The following ACKR2 variants were observed in gnomAD, a reference collection of about 807,000 sequenced individuals.
ACKR2 encodes the protein atypical chemokine receptor 2.
For missense variants in ACKR2, 457 were observed against 477.3 expected (o/e 0.96, Z 0.40); for synonymous variants, 207 against 192.2 (o/e 1.08, Z -0.64).
intron 2 of ACKR2, among the ~76,000 whole-genome samples, chr3:42,862,180 A>T (rs1375894557): frequency 6.6e-6 from 1 of 152,254 alleles, no homozygotes; most frequent in East Asian, 1.9e-4. Flanking sequence ...AGAATACAAA[A>T]TCAATGTGCA....
intron 1 of ACKR2, among the ~76,000 whole-genome samples, chr3:42,811,702 AT>A (rs1218279123): frequency 7.2e-5 from 11 of 152,270 alleles, no homozygotes; most frequent in Admixed American, 7.2e-4. Flanking sequence ...GTCCCTGGGA[AT>A]GGAATGTCTC....
intron 2 of ACKR2, among the ~76,000 whole-genome samples, chr3:42,840,259 C>CA (rs34830187): frequency 0.38 from 13,026 of 34,376 alleles, 3,398 homozygotes; most frequent in East Asian, 0.7. Context: ...GACTCCGTCT[C>CA]AAAAAAAAAA....
At chr3:42,810,923 C>A (rs930947363) in intron 1 of ACKR2, among the ~76,000 whole-genome samples, 1 of 152,216 alleles carries the variant, frequency 6.6e-6, no homozygotes, top group Non-Finnish European at 1.5e-5. Context: ...TGCAGTGGTG[C>A]AACCTTGGCT....
chr3:42,811,437 T>G (rs1053883086), intron 1 of ACKR2, among the ~76,000 whole-genome samples: 7 of 152,192 alleles, frequency 4.6e-5, no homozygotes, highest in African/African-American at 1.7e-4. Flanking sequence ...GTAAAAGTCA[T>G]CGCCATTCTC....
rs2125620049 is a variant in ACKR2, at chr3:42,852,802, A to G, written c.-37-11664A>G. Reference sequence around the variant, plus strand: ...GTTTTTGTTTTTTGGCCTCTTTTCTATTTTTCCACTGTATTTCCACATTTT... The same window carrying G: ...GTTTTTGTTTTTTGGCCTCTTTTCTGTTTTTCCACTGTATTTCCACATTTT... On this transcript the variant is annotated intron_variant, in intron 2 of 2. Coordinates refer to ENST00000422265, the MANE Select transcript of ACKR2 (RefSeq NM_001296.5). This position sits in a 1 kb window ranked among gnomAD's most constrained non-coding sequence, Gnocchi z 4.3. Among the ~76,000 whole-genome samples, 1 of 152,118 alleles carries G rather than the reference A, an allele frequency of 6.6e-6. No individual in the cohort carries two copies. The highest frequency in any genetic ancestry group is 1.5e-5 in the Non-Finnish European group (1 of 67,990).
intron 2 of ACKR2, among the ~76,000 whole-genome samples, chr3:42,861,278 T>A (rs2088381953): frequency 6.6e-6 from 1 of 152,132 alleles, no homozygotes; most frequent in Admixed American, 6.6e-5. Context: ...ATGGATAAAT[T>A]CCTGGACACA....
At position 42,809,502 on chromosome 3, in the gene ACKR2, A is replaced by T. The variant is rs1309175518; in HGVS notation, c.-149A>T. ...CAGTACGGGATCCTTTCTGGAATGG[A>T]GGTCTTATGAGCTGCTATTGAACAC... On this transcript the variant is annotated 5_prime_UTR_variant, in exon 1 of 3. Coordinates refer to ENST00000422265, the MANE Select transcript of ACKR2 (RefSeq NM_001296.5). 1 of 152,132 alleles carries T rather than the reference A, an allele frequency of 6.6e-6. No individual in the cohort carries two copies. The highest frequency in any genetic ancestry group is 1.5e-5 in the Non-Finnish European group (1 of 68,028). The allele number at this position is 152,132 out of a possible 1,614,324, so 9.4% of individuals were successfully genotyped here. A position where few individuals can be genotyped will look rare whatever the true frequency, so the allele number is the denominator to read the frequency against.
chr3:42,811,764 G>A (rs1045300405), intron 1 of ACKR2, among the ~76,000 whole-genome samples: 3 of 152,144 alleles, frequency 2.0e-5, no homozygotes, highest in South Asian at 2.1e-4. Context: ...GGAGAAAACC[G>A]CCCTGTGGCT....
intron 2 of ACKR2, among the ~76,000 whole-genome samples, chr3:42,829,322 C>G (rs1175945868): frequency 6.6e-6 from 1 of 152,128 alleles, no homozygotes; most frequent in Non-Finnish European, 1.5e-5. Flanking sequence ...ATGAATTATC[C>G]ACATTACTCT....
intron 2 of ACKR2, among the ~76,000 whole-genome samples, chr3:42,822,463 T>C (rs766935929): frequency 1.3e-5 from 2 of 152,248 alleles, no homozygotes; most frequent in Non-Finnish European, 2.9e-5. Flanking sequence ...TTGTATTTTC[T>C]TGAGTCACTT....
intron 2 of ACKR2, among the ~76,000 whole-genome samples, chr3:42,847,697 G>A (rs1362734912): frequency 1.3e-5 from 2 of 151,812 alleles, no homozygotes; most frequent in Admixed American, 1.3e-4. Flanking sequence ...ACTCAAGAAG[G>A]GGCAATCAGA....
chr3:42,813,982 A>G (rs1700721127), intron 1 of ACKR2, among the ~76,000 whole-genome samples: 2 of 152,226 alleles, frequency 1.3e-5, no homozygotes, highest in South Asian at 4.1e-4. Flanking sequence ...TGTAATAACG[A>G]GAGACAACAT....
intron 2 of ACKR2, among the ~76,000 whole-genome samples, chr3:42,828,096 T>A (rs13093750): frequency 0.046 from 4,765 of 103,710 alleles, 105 homozygotes; most frequent in East Asian, 0.078. Context: ...ATATATATTT[T>A]TTTTTTTTTC....
chr3:42,855,294 T>C (rs1432861882), intron 2 of ACKR2, among the ~76,000 whole-genome samples: 1 of 152,200 alleles, frequency 6.6e-6, no homozygotes, highest in Non-Finnish European at 1.5e-5. Context: ...GCAACTTGAC[T>C]AGTGACCCTG....
intron 2 of ACKR2, among the ~76,000 whole-genome samples, chr3:42,851,678 C>T (rs538111929): frequency 7.2e-5 from 11 of 152,316 alleles, no homozygotes; most frequent in African/African-American, 2.2e-4. Context: ...GACTCTGGCT[C>T]TGAGAATCTG....
intron 2 of ACKR2, among the ~76,000 whole-genome samples, chr3:42,822,751 G>A (rs573418963): frequency 6.8e-6 from 1 of 146,590 alleles, no homozygotes; most frequent in South Asian, 2.1e-4. Flanking sequence ...CAGCTACTTG[G>A]GAGGTGGAGG....
At chr3:42,817,141 CA>C (rs1190622285) in intron 1 of ACKR2, among the ~76,000 whole-genome samples, 1 of 152,104 alleles carries the variant, frequency 6.6e-6, no homozygotes, top group Non-Finnish European at 1.5e-5. Flanking sequence ...ATACATAAGG[CA>C]CCAAGAAGAG....
Position 42,864,637 on chromosome 3 carries a change from CAA to C in ACKR2, c.137_138del (p.Lys46SerfsTer8). 6.2e-7 allele frequency: 1 copy of C among 1,614,232 alleles called. No individual in the cohort carries two copies. On this transcript the variant is annotated frameshift_variant, in exon 3 of 3. Coordinates refer to ENST00000422265, the MANE Select transcript of ACKR2 (RefSeq NM_001296.5). LOFTEE classifies it low-confidence loss of function (END_TRUNC). ...GGAAGGATGCAGTGGTGTCCTTTGG[CAA>C]AGTCTTCCTCCCAGTCTTCTATAGC... ...CRKDAVVSFG[K>X]VFLPVFYSLI...
intron 2 of ACKR2, among the ~76,000 whole-genome samples, chr3:42,844,354 A>G (rs571945496): frequency 1.3e-5 from 2 of 152,222 alleles, no homozygotes; most frequent in Admixed American, 1.3e-4. Context: ...TCGGGGAGAC[A>G]GTGCAGTGCA....
Sources: allele counts gnomAD v4.1 joint callset (sites outside exome capture counted in the v4.1 genomes callset), GRCh38; gene constraint gnomAD v4.1.1; non-coding constraint Gnocchi (gnomAD v3.1); transcripts MANE v1.5; gene names NCBI Gene and HGNC (gene_info 2026-07-23, HGNC 2026-07-21).